The following LILRB2 variants were observed in gnomAD, a reference collection of about 807,000 sequenced individuals.
The protein encoded by LILRB2 is leukocyte immunoglobulin like receptor B2.
A neutral mutation model predicts 72.7 loss-of-function variants in LILRB2; 47 were observed. The observed-to-expected ratio is 0.65, with a 90% CI of 0.51 to 0.82. LILRB2 has a LOEUF of 0.82. Ranked by LOEUF, LILRB2 falls within the 40% of genes least tolerant of loss-of-function variation. The pLI, the probability that LILRB2 is intolerant of heterozygous loss-of-function variation, is 0.00. For missense variants in LILRB2, 767 were observed against 764.8 expected, an observed-to-expected ratio of 1.00 and a Z score of -0.03; for synonymous variants, 279 against 313.7, an observed-to-expected ratio of 0.89 and a Z score of 1.17.
intron 13 of LILRB2, chr19:54,275,158 T>G: frequency 6.7e-7 from 1 of 1,497,854 alleles, no homozygotes; most frequent in Non-Finnish European, 9.1e-7. Flanking sequence ...TCCGATTACA[T>G]CCCTTTCCCG....
intron 7 of LILRB2, 147 bp from the exon 8 acceptor site, chr19:54,278,086 G>A (rs1353575033): frequency 8.9e-7 from 1 of 1,127,308 alleles, no homozygotes; most frequent in Non-Finnish European, 1.2e-6. Flanking sequence ...CGATGCCGCT[G>A]AGTGTGCGCA....
At position 54,279,416 on chromosome 19, in the gene LILRB2, C is replaced by G. The variant is rs915250222; in HGVS notation, c.587G>C (p.Cys196Ser). ...VSPNRRWSHR[C>S]YGYDLNSPYV... ...GGGAGAGTTCAAGTCATAACCATAG[C>G]ACCTGTGCGACCACCTGCGATTCGG... is the stretch of plus-strand genomic sequence containing the variant. The change falls in exon 5 of 14, where the codon TGC (cysteine) becomes TCC (serine). Residue 196 changes from cysteine to serine, a missense_variant. By Grantham distance (112) the Cys-to-Ser change is moderately radical. This residue lies in a region of LILRB2 where 599 missense variants were observed against 568.2 expected (regional missense o/e 1.05). Coordinates refer to ENST00000314446, the MANE Select transcript of LILRB2 (RefSeq NM_001080978.4). 5 of 1,614,134 alleles carry G rather than the reference C, an allele frequency of 3.1e-6. No individual in the cohort carries two copies. The highest frequency in any genetic ancestry group is 4.2e-6 in the Non-Finnish European group (5 of 1,180,030).
intron 3 of LILRB2, 70 bp downstream of exon 3, chr19:54,280,194 C>G: frequency 2.5e-6 from 4 of 1,613,058 alleles, no homozygotes; most frequent in Non-Finnish European, 3.4e-6. Context: ...TCCCCATCCC[C>G]AGCTGCACGG....
intron 1 of LILRB2, 174 bp from the exon 2 acceptor site, chr19:54,280,718 CA>C: frequency 2.0e-6 from 1 of 493,190 alleles, no homozygotes; most frequent in Non-Finnish European, 3.1e-6. Flanking sequence ...TGGGGGCAGG[CA>C]CTGGGCCCTC....
Position 54,276,948 on chromosome 19 carries a change from A to G in LILRB2, c.1358-19T>C. ...CCCAGACCTTGAGCACGATGATGTC[A>G]GGGATGGGGGTGATGTCATTGAAAT... On this transcript the variant is annotated intron_variant, in intron 9 of 13. Coordinates refer to ENST00000314446, the MANE Select transcript of LILRB2 (RefSeq NM_001080978.4). 1 of 1,609,698 alleles carries G rather than the reference A, an allele frequency of 6.2e-7. No homozygotes were observed. The highest frequency in any genetic ancestry group is 8.5e-7 in the Non-Finnish European group (1 of 1,177,716).
Position 54,278,371 on chromosome 19 carries a change from T to G in LILRB2, c.1147A>C (p.Met383Leu). 2 of 1,614,170 alleles carry G rather than the reference T, an allele frequency of 1.2e-6. No homozygotes were observed. The highest frequency in any genetic ancestry group is 1.7e-6 in the Non-Finnish European group (2 of 1,180,008). The stretch of plus-strand genomic sequence containing the variant: ...GCGTGGGCTGAGGTCACAGGACTCA[T>G]GGGGAATTCAGCCTGGTACTTAGGA... ...EYPKYQAEFP[M>L]SPVTSAHAGT... Residue 383 changes from methionine (M) to leucine (L), a missense_variant, in exon 7 of 14, where the codon ATG becomes CTG. Met to Leu is a conservative substitution (Grantham distance 15). This residue lies in a region of LILRB2 where 599 missense variants were observed against 568.2 expected (regional missense o/e 1.05). Transcript: ENST00000314446.
rs750498095 is a variant in LILRB2 at position 54,278,493 on chromosome 19, G to C, written c.1025C>G (p.Thr342Ser). 1 of 1,614,250 alleles carries C rather than the reference G, an allele frequency of 6.2e-7. No individual in the cohort carries two copies. The highest frequency in any genetic ancestry group is 2.2e-5 in the East Asian group (1 of 44,880). The change falls in exon 7 of 14, where the codon ACC becomes AGC. Residue 342 changes from threonine (T) to serine (S), a missense_variant. Coordinates refer to ENST00000314446, the MANE Select transcript of LILRB2 (RefSeq NM_001080978.4). ...CTGCCGCCATGACTGACACAGCAGG[G>C]TCACGTTCTCTCCTGAGGCCACTGT... is the stretch of plus-strand genomic sequence containing the variant. ...GPTVASGENV[T>S]LLCQSWRQFH...
chr19:54,275,256 C>A (rs540493306), intron 13 of LILRB2: 15 of 763,820 alleles, frequency 2.0e-5, no homozygotes, highest in East Asian at 1.4e-4. Context: ...TTTGACCTTG[C>A]CCATTTGGCT....
At chr19:54,276,160 C>G (rs2080211517) in intron 12 of LILRB2, 104 bp downstream of exon 12, 15 of 1,583,226 alleles carry the variant, frequency 9.5e-6, no homozygotes, top group Admixed American at 1.7e-5. Flanking sequence ...ATGATCTCAC[C>G]CTGAGCCCCA....
chr19:54,276,764 C>A (rs1309992777), intron 10 of LILRB2, 43 bp downstream of exon 10: 1 of 1,599,038 alleles, frequency 6.3e-7, no homozygotes, highest in Non-Finnish European at 8.5e-7. Flanking sequence ...GTGCCCTGAG[C>A]CCACCCTCGG....
rs1182326751 is a variant in LILRB2, at chr19:54,280,038, G to A, written c.108C>T (p.Asp36=). The change falls in exon 4 of 14, where the codon GAC becomes GAT. Residue 36 remains aspartate (D), a synonymous_variant. Transcript: ENST00000314446. ...IPKPTLWAEP[D]SVITQGSPVT... is the part of the protein sequence containing the mutation. ...CGGGACTCCCCTGGGTGATCACAGA[G>A]TCTGGCTCAGCCCACAGGGTGGGCT... The A allele has an allele frequency of 1.9e-6, 3 of 1,614,000 alleles. No individual in the cohort carries two copies. The highest frequency in any genetic ancestry group is 1.7e-6 in the Non-Finnish European group (2 of 1,180,012).
chr19:54,278,063 T>A (rs1307136581), intron 7 of LILRB2, 124 bp from the exon 8 acceptor site: 2 of 1,099,772 alleles, frequency 1.8e-6, no homozygotes. Context: ...GCCTCTCCTG[T>A]CCATGATGCT....
chr19:54,279,808 A>AG lies in LILRB2; in HGVS notation c.337dup (p.Leu113ProfsTer33). The AG allele has an allele frequency of 1.2e-6, 2 of 1,614,058 alleles. No individual in the cohort carries two copies. Among genetic ancestry groups the AG allele is most frequent in the Non-Finnish European group, 1.7e-6 (2 of 1,179,966 alleles). On this transcript the variant is annotated frameshift_variant, in exon 4 of 14. Transcript: ENST00000314446. LOFTEE classifies it high-confidence loss of function. The stretch of plus-strand genomic sequence containing the variant: ...CCTCTCACCTGTCATCACCAGCACC[A>AG]GGGGGTCACTGAGCTCAGACCACCG...
rs149499521 is a variant in LILRB2 at position 54,278,469 on chromosome 19, T to G, written c.1049A>C (p.Gln350Pro). 660 of 1,540,616 alleles carry G rather than the reference T, an allele frequency of 4.3e-4. 3 individuals carry two copies. The African/African-American group carries it at 9.1e-3, about 21-fold the overall frequency. Residue 350 changes from glutamine to proline, a missense_variant, in exon 7 of 14, where the codon CAG becomes CCG. Around this residue, in one of 3 missense-constraint regions of LILRB2, gnomAD observed 599 missense variants for 568.2 expected, o/e 1.05. Coordinates refer to ENST00000314446, the MANE Select transcript of LILRB2 (RefSeq NM_001080978.4). Reference sequence around the variant, plus strand: ...CTTGGTCAGAAGGAAAGTGTGGAACTGCCGCCATGACTGACACAGCAGGGT... The same window carrying G: ...CTTGGTCAGAAGGAAAGTGTGGAACGGCCGCCATGACTGACACAGCAGGGT... The part of the protein sequence containing the change: ...NVTLLCQSWR[Q>P]FHTFLLTKAG...
Position 54,278,459 on chromosome 19 carries a change from A to C in LILRB2, c.1059T>G (p.Thr353=), listed in dbSNP as rs1245504868. 2 of 1,614,168 alleles carry C rather than the reference A, an allele frequency of 1.2e-6. No individual in the cohort carries two copies. Among genetic ancestry groups the C allele is most frequent in the East Asian group, 4.5e-5 (2 of 44,884 alleles). The part of the protein sequence containing the change: ...LLCQSWRQFH[T]FLLTKAGAAD... ...CTGCTCCCGCCTTGGTCAGAAGGAAAGTGTGGAACTGCCGCCATGACTGAC... is the reference window on the plus strand; with the variant it reads ...CTGCTCCCGCCTTGGTCAGAAGGAACGTGTGGAACTGCCGCCATGACTGAC... Residue 353 remains threonine, a synonymous_variant, in exon 7 of 14, where the codon ACT becomes ACG. Coordinates refer to ENST00000314446, the MANE Select transcript of LILRB2 (RefSeq NM_001080978.4).
Position 54,279,339 on chromosome 19 carries a change from T to C in LILRB2, c.658+6A>G, listed in dbSNP as rs1601120874. 2.5e-6 allele frequency: 4 copies of C among 1,608,308 alleles called. No homozygotes were observed. Among genetic ancestry groups the C allele is most frequent in the Non-Finnish European group, 3.4e-6 (4 of 1,176,246 alleles). ...GGAACTCCAGACAATGCTGTGAATT[T>C]CTCACCTGGGACCAGGAGCTCCAGG... On this transcript the variant is annotated splice_donor_region_variant and intron_variant, in intron 5 of 13. Transcript: ENST00000314446.
chr19:54,278,030 TC>T, intron 7 of LILRB2, 91 bp from the exon 8 acceptor site: 1 of 1,151,668 alleles, frequency 8.7e-7, no homozygotes, highest in Non-Finnish European at 1.2e-6. Context: ...CCCTGTGGCC[TC>T]CCCAGGCCCC....
chr19:54,279,032 A>T lies in LILRB2; in HGVS notation c.735T>A (p.Cys245Ter), dbSNP rs749852065. ...MAPGESLTLQ[C>*]VSDVGYDRFV... ...ATCTGTCATAGCCGACATCAGAGACACACTGGAGGGTCAGGCTTTCCCCAG... is the reference window on the plus strand; with the variant it reads ...ATCTGTCATAGCCGACATCAGAGACTCACTGGAGGGTCAGGCTTTCCCCAG... Residue 245 changes from cysteine (C) to a stop codon, truncating the protein, a stop_gained, in exon 6 of 14, where the codon TGT (cysteine) becomes TGA (stop). Transcript: ENST00000314446. LOFTEE classifies it high-confidence loss of function. The T allele has an allele frequency of 6.2e-7, 1 of 1,610,762 alleles. No homozygotes were observed. Among genetic ancestry groups the T allele is most frequent in the Non-Finnish European group, 8.5e-7 (1 of 1,179,584 alleles).
intron 10 of LILRB2, 89 bp downstream of exon 10, chr19:54,276,718 G>C: frequency 6.5e-7 from 1 of 1,535,638 alleles, no homozygotes; most frequent in Non-Finnish European, 8.8e-7. Context: ...GTTTCTCAAA[G>C]CTGCATTTGC....
Sources: allele counts gnomAD v4.1 joint callset, GRCh38; gene constraint gnomAD v4.1.1; regional missense constraint gnomAD v4.1.1; transcripts MANE v1.5; gene names NCBI Gene and HGNC (gene_info 2026-07-23, HGNC 2026-07-21).